The following LGR4 variants were observed in gnomAD, a reference collection of about 807,000 sequenced individuals.
The protein encoded by LGR4 is leucine rich repeat containing G protein-coupled receptor 4, also known as leucine-rich repeat-containing G protein-coupled receptor 4.
In LGR4, 44 loss-of-function variants were observed where a neutral mutation model predicts 84.8. The observed-to-expected ratio is 0.52, with a 90% CI of 0.41 to 0.67. LGR4 has a LOEUF of 0.67. LGR4 is among the 30% of genes least tolerant of loss of function. The pLI is 0.00. For missense variants in LGR4, 1,032 were observed against 1,131.4 expected, an observed-to-expected ratio of 0.91 and a Z score of 1.26; for synonymous variants, 429 against 434.3, an observed-to-expected ratio of 0.99 and a Z score of 0.15.
chr11:27,401,159 C>T (rs4469845), intron 2 of LGR4, among the ~76,000 whole-genome samples: 66,437 of 152,036 alleles, frequency 0.44, 17,335 homozygotes, highest in African/African-American at 0.75. Flanking sequence ...TTATTTCACA[C>T]ATATTTCATA....
chr11:27,403,185 C>T (rs1319779312), intron 2 of LGR4, among the ~76,000 whole-genome samples: 2 of 152,164 alleles, frequency 1.3e-5, no homozygotes, highest in East Asian at 3.9e-4. Flanking sequence ...TAAGAATGTT[C>T]CACAGCTGGG....
At chr11:27,461,836 A>ATTTTTTTTT (rs35205372) in intron 1 of LGR4, among the ~76,000 whole-genome samples, 3 of 76,556 alleles carry the variant, frequency 3.9e-5, no homozygotes, top group Admixed American at 2.0e-4. Flanking sequence ...TTGAGTTAGG[A>ATTTTTTTTT]TTTTTTTTTT....
intron 7 of LGR4, among the ~76,000 whole-genome samples, chr11:27,381,636 C>T (rs962764172): frequency 6.6e-6 from 1 of 152,072 alleles, no homozygotes; most frequent in African/African-American, 2.4e-5. Flanking sequence ...GAGCTGTGAT[C>T]ATGCCACTGC....
intron 1 of LGR4, among the ~76,000 whole-genome samples, chr11:27,438,046 T>C (rs1020411409): frequency 2.0e-5 from 3 of 151,930 alleles, no homozygotes; most frequent in Non-Finnish European, 4.4e-5. Context: ...ATAGAAACCA[T>C]AGAGATGACC....
At chr11:27,455,029 C>G (rs1220937474) in intron 1 of LGR4, among the ~76,000 whole-genome samples, 1 of 152,106 alleles carries the variant, frequency 6.6e-6, no homozygotes, top group African/African-American at 2.4e-5. Flanking sequence ...CTTCCACTTG[C>G]CTTCTCTGTC....
chr11:27,380,858 T>A (rs1473644299), intron 8 of LGR4, 37 bp downstream of exon 8: 1 of 1,324,990 alleles, frequency 7.5e-7, no homozygotes, highest in African/African-American at 1.5e-5. Flanking sequence ...CAGCTTCACA[T>A]AATTATACAT....
chr11:27,467,658 G>C (rs967407678), intron 1 of LGR4, among the ~76,000 whole-genome samples: 1 of 151,966 alleles, frequency 6.6e-6, no homozygotes, highest in Admixed American at 6.6e-5. Flanking sequence ...CAGATTTACA[G>C]ATGAGGAAAA....
At chr11:27,405,934 A>G (rs1460141381) in intron 2 of LGR4, among the ~76,000 whole-genome samples, 1 of 152,164 alleles carries the variant, frequency 6.6e-6, no homozygotes, top group Non-Finnish European at 1.5e-5. Context: ...CCTAGCTCAA[A>G]AAAACTTCAA....
chr11:27,395,041 C>T (rs186682987), intron 2 of LGR4, among the ~76,000 whole-genome samples: 1 of 152,104 alleles, frequency 6.6e-6, no homozygotes, highest in African/African-American at 2.4e-5. Context: ...CTCAAAGGGA[C>T]CCCGGTCTCA....
At chr11:27,462,140 T>C (rs147083727) in intron 1 of LGR4, among the ~76,000 whole-genome samples, 2 of 152,266 alleles carry the variant, frequency 1.3e-5, no homozygotes, top group African/African-American at 4.8e-5. Context: ...GCCACTGAGT[T>C]AGGACTTTTA....
intron 6 of LGR4, among the ~76,000 whole-genome samples, chr11:27,383,515 TTTC>T (rs1307578172): frequency 1.3e-5 from 2 of 152,202 alleles, no homozygotes; most frequent in African/African-American, 4.8e-5. Flanking sequence ...TCCATTGATG[TTTC>T]CTATCCTCTA....
At chr11:27,386,110 T>C (rs774744369) in intron 4 of LGR4, among the ~76,000 whole-genome samples, 10 of 152,168 alleles carry the variant, frequency 6.6e-5, no homozygotes, top group Non-Finnish European at 1.0e-4. Flanking sequence ...TTAACAGTTA[T>C]TAAGGTCAAA....
chr11:27,373,566 T>G lies in LGR4; in HGVS notation c.1364A>C (p.Asp455Ala). The part of the protein sequence containing the change: ...FKLKEALAAK[D>A]FVNLRSLSVP... The stretch of plus-strand genomic sequence containing the variant: ...AAAAACACACCTGAGGTTAACAAAG[T>G]CTTTTGCTGCTAAGGCTTCTTTCAG... Residue 455 changes from aspartate to alanine, a missense_variant, in exon 15 of 18, where the codon GAC (aspartate) becomes GCC (alanine). Physicochemically the swap from Asp to Ala is moderately radical, Grantham distance 126. Transcript: ENST00000379214. 1 of 1,581,898 alleles carries G rather than the reference T, an allele frequency of 6.3e-7. No individual in the cohort carries two copies. Among genetic ancestry groups the G allele is most frequent in the Non-Finnish European group, 8.6e-7 (1 of 1,161,342 alleles).
chr11:27,375,065 C>G (rs1862949624), intron 13 of LGR4, among the ~76,000 whole-genome samples: 1 of 151,206 alleles, frequency 6.6e-6, no homozygotes, highest in Admixed American at 6.6e-5. Flanking sequence ...GGGTGGATCA[C>G]TTGAGCTCAG....
intron 2 of LGR4, among the ~76,000 whole-genome samples, chr11:27,405,564 C>A (rs1049998591): frequency 1.3e-5 from 2 of 152,154 alleles, no homozygotes; most frequent in Non-Finnish European, 2.9e-5. Flanking sequence ...CCCACCTGAA[C>A]TCCACATGTA....
intron 1 of LGR4, among the ~76,000 whole-genome samples, chr11:27,467,850 C>T (rs564202104): frequency 1.3e-5 from 2 of 152,188 alleles, no homozygotes; most frequent in Non-Finnish European, 2.9e-5. Context: ...ATTCATACAT[C>T]GTTCTTGTTT....
chr11:27,398,050 T>C (rs1372227768), intron 2 of LGR4, among the ~76,000 whole-genome samples: 5 of 152,246 alleles, frequency 3.3e-5, no homozygotes, highest in Non-Finnish European at 5.9e-5. Flanking sequence ...TTTGTGTGCA[T>C]TTATTATTCA....
chr11:27,426,808 A>G (rs1267120891), intron 1 of LGR4, among the ~76,000 whole-genome samples: 1 of 152,240 alleles, frequency 6.6e-6, no homozygotes, highest in Non-Finnish European at 1.5e-5. Context: ...ATCAGACTCC[A>G]AATGATAAAT....
At chr11:27,433,464 C>G (rs532222716) in intron 1 of LGR4, among the ~76,000 whole-genome samples, 19 of 150,890 alleles carry the variant, frequency 1.3e-4, no homozygotes, top group African/African-American at 4.1e-4. Context: ...ATCTCCTGAC[C>G]TTGTAATCTG....
Sources: allele counts gnomAD v4.1 joint callset (sites outside exome capture counted in the v4.1 genomes callset), GRCh38; gene constraint gnomAD v4.1.1; transcripts MANE v1.5; gene names NCBI Gene and HGNC (gene_info 2026-07-23, HGNC 2026-07-21).